B3GALT1: variants seen among roughly 807,000 people sequenced by gnomAD.
The protein encoded by B3GALT1 is UDP-Gal:betaGlcNAc beta 1,3-galactosyltransferase, polypeptide 1.
Under a neutral mutation model 23.2 loss-of-function variants are expected in B3GALT1, and 10 were observed. That is an observed-to-expected ratio of 0.43 (90% CI 0.27 to 0.73). The LOEUF (loss-of-function observed/expected upper bound fraction) is 0.73. Among genes scored for constraint, B3GALT1 ranks in the 30% least tolerant of loss-of-function variants. B3GALT1 has a pLI of 0.21. For missense variants in B3GALT1, 299 were observed against 405.4 expected (o/e 0.74, Z 2.25); for synonymous variants, 156 against 141.5 (o/e 1.10, Z -0.73).
At chr2:167,518,295 T>A (rs1700134172) in intron 2 of B3GALT1, among the ~76,000 whole-genome samples, 1 of 152,142 alleles carries the variant, frequency 6.6e-6, no homozygotes, top group Admixed American at 6.6e-5. Context: ...AATGGAAAAT[T>A]ATTTTCTTAA....
intron 3 of B3GALT1, among the ~76,000 whole-genome samples, chr2:167,668,819 C>T (rs1331748973): frequency 6.6e-6 from 1 of 152,210 alleles, no homozygotes; most frequent in Non-Finnish European, 1.5e-5. Context: ...GCGCACGGTG[C>T]GTGCACCCAC....
intron 1 of B3GALT1, among the ~76,000 whole-genome samples, chr2:167,343,623 G>A (rs1697184788): frequency 6.6e-6 from 1 of 151,968 alleles, no homozygotes; most frequent in Non-Finnish European, 1.5e-5. Flanking sequence ...TGTGTAGGCT[G>A]ATATCTTCAA....
intron 2 of B3GALT1, among the ~76,000 whole-genome samples, chr2:167,579,153 T>G (rs549681392): frequency 6.6e-6 from 1 of 152,198 alleles, no homozygotes; most frequent in African/African-American, 2.4e-5. Context: ...GAATTTAGTT[T>G]GCAGCTTGAT....
At chr2:167,440,857 C>CT (rs981832823) in intron 1 of B3GALT1, among the ~76,000 whole-genome samples, 4 of 151,820 alleles carry the variant, frequency 2.6e-5, no homozygotes, top group African/African-American at 9.7e-5. Context: ...CTAATTTGAT[C>CT]TTTTTTTCAT....
At chr2:167,440,506 A>G (rs1157654317) in intron 1 of B3GALT1, among the ~76,000 whole-genome samples, 1 of 152,076 alleles carries the variant, frequency 6.6e-6, no homozygotes, top group East Asian at 1.9e-4. Flanking sequence ...TAGAGATTGT[A>G]CTATGTTTTT....
chr2:167,742,407 T>C (rs962255950), intron 3 of B3GALT1, among the ~76,000 whole-genome samples: 1 of 152,122 alleles, frequency 6.6e-6, no homozygotes, highest in African/African-American at 2.4e-5. Flanking sequence ...ATGAGAAATA[T>C]TTGTGTAGAA....
intron 4 of B3GALT1, among the ~76,000 whole-genome samples, chr2:167,854,675 G>GT (rs1238314442): frequency 2.6e-5 from 4 of 152,150 alleles, no homozygotes; most frequent in Non-Finnish European, 5.9e-5. Flanking sequence ...TTTTATCCTA[G>GT]TTGTAAAGGA....
At chr2:167,384,589 CCCTT>C (rs1697898175) in intron 1 of B3GALT1, among the ~76,000 whole-genome samples, 1 of 152,178 alleles carries the variant, frequency 6.6e-6, no homozygotes, top group African/African-American at 2.4e-5. Flanking sequence ...TCTCTCCTCT[CCCTT>C]CCCTCATGCT....
chr2:167,596,030 T>C (rs1684768252), intron 2 of B3GALT1, among the ~76,000 whole-genome samples: 1 of 152,236 alleles, frequency 6.6e-6, no homozygotes, highest in South Asian at 2.1e-4. Context: ...GGTCTCCCTC[T>C]TCAGCAGGTA....
chr2:167,376,674 A>T (rs61144669), intron 1 of B3GALT1, among the ~76,000 whole-genome samples: 2,611 of 152,000 alleles, frequency 0.017, 79 homozygotes, highest in African/African-American at 0.06. Context: ...TTTCTGTGAG[A>T]TTCGTTGTAA....
intron 1 of B3GALT1, among the ~76,000 whole-genome samples, chr2:167,392,961 G>T (rs981155417): frequency 6.6e-6 from 1 of 152,232 alleles, no homozygotes; most frequent in Middle Eastern, 3.4e-3. Flanking sequence ...TTAGCCGGGC[G>T]CAGTGGCTCA....
chr2:167,451,583 C>T (rs1250935573), intron 1 of B3GALT1, among the ~76,000 whole-genome samples: 1 of 152,182 alleles, frequency 6.6e-6, no homozygotes, highest in Non-Finnish European at 1.5e-5. Context: ...GTCAGCACCC[C>T]CTCCGGTGGA....
intron 3 of B3GALT1, among the ~76,000 whole-genome samples, chr2:167,722,294 T>G (rs779975459): frequency 2.0e-5 from 3 of 152,218 alleles, no homozygotes; most frequent in Admixed American, 6.5e-5. Flanking sequence ...ACGGACTGAA[T>G]ACTTTTTTCT....
intron 4 of B3GALT1, among the ~76,000 whole-genome samples, chr2:167,826,384 C>T (rs1689225885): frequency 1.3e-5 from 2 of 152,166 alleles, no homozygotes; most frequent in South Asian, 4.2e-4. Flanking sequence ...TGGGACAGCT[C>T]CCCAAGCAAC....
intron 2 of B3GALT1, among the ~76,000 whole-genome samples, chr2:167,531,371 T>G (rs1683323917): frequency 6.6e-6 from 1 of 152,152 alleles, no homozygotes; most frequent in African/African-American, 2.4e-5. Flanking sequence ...ACTTCTTTAA[T>G]AATGTAGTCT....
intron 3 of B3GALT1, among the ~76,000 whole-genome samples, chr2:167,752,196 A>G (rs1351161131): frequency 2.0e-5 from 3 of 152,188 alleles, no homozygotes; most frequent in Admixed American, 1.3e-4. Flanking sequence ...GAGCAGCACA[A>G]TAGCTATTAT....
chr2:167,585,369 T>C (rs1242935594), intron 2 of B3GALT1, among the ~76,000 whole-genome samples: 3 of 152,198 alleles, frequency 2.0e-5, no homozygotes, highest in Non-Finnish European at 4.4e-5. Context: ...GAAAAGCCCC[T>C]TAATAATTGG....
intron 2 of B3GALT1, among the ~76,000 whole-genome samples, chr2:167,578,138 G>A (rs954065844): frequency 5.3e-5 from 8 of 151,822 alleles, no homozygotes; most frequent in Non-Finnish European, 8.8e-5. Context: ...CATTATATTG[G>A]CATGTGAGCA....
At chr2:167,737,562 T>C (rs1351706239) in intron 3 of B3GALT1, among the ~76,000 whole-genome samples, 1 of 152,216 alleles carries the variant, frequency 6.6e-6, no homozygotes, top group African/African-American at 2.4e-5. Context: ...ACCACTTCAG[T>C]TGAAGAGGAG....
Sources: allele counts gnomAD v4.1 joint callset (sites outside exome capture counted in the v4.1 genomes callset), GRCh38; gene constraint gnomAD v4.1.1; transcripts MANE v1.5; gene names NCBI Gene and HGNC (gene_info 2026-07-23, HGNC 2026-07-21).